Variants in NUP93 observed in about 807,000 individuals in gnomAD.
The protein encoded by NUP93 is nuclear pore complex protein Nup93.
A neutral mutation model predicts 107.8 loss-of-function variants in NUP93; 55 were observed. The ratio of observed to expected loss-of-function variants is 0.51; its 90% CI spans 0.41 to 0.64. The LOEUF (loss-of-function observed/expected upper bound fraction) is 0.64, where lower values mean the gene tolerates loss of function less well. NUP93 is among the 30% of genes least tolerant of loss of function. NUP93 has a pLI of 0.00. For synonymous variants in NUP93, 390 were observed against 397.5 expected, an observed-to-expected ratio of 0.98 and a Z score of 0.22; for missense variants, 937 against 1,044.7, an observed-to-expected ratio of 0.90 and a Z score of 1.42.
chr16:56,784,556 T>G (rs1962585206), intron 3 of NUP93, among the ~76,000 whole-genome samples: 1 of 152,238 alleles, frequency 6.6e-6, no homozygotes, highest in African/African-American at 2.4e-5. Context: ...ACCCGGCTTA[T>G]TTCTTTGTTC....
At position 56,818,652 on chromosome 16, in the gene NUP93, A is replaced by G. The variant is rs745703858; in HGVS notation, c.490-12A>G. On this transcript the variant is annotated splice_polypyrimidine_tract_variant and intron_variant, in intron 5 of 21. Transcript: ENST00000308159. Reference sequence around the variant, plus strand: ...TGTCCCTAACTGATTCTGAATGTGTATTTATCCACAGCCAAGCTACATCAG... The same window carrying G: ...TGTCCCTAACTGATTCTGAATGTGTGTTTATCCACAGCCAAGCTACATCAG... 6 of 1,611,368 alleles carry G rather than the reference A, an allele frequency of 3.7e-6. No individual in the cohort carries two copies. The Admixed American group carries it at 8.3e-5, about 22-fold the overall frequency.
chr16:56,821,525 A>G lies in NUP93; in HGVS notation c.586A>G (p.Ile196Val). The part of the protein sequence containing the change: ...ARQIYIYNEK[I>V]VNGHLQPNLV... ...TCAGATTTATATCTATAATGAGAAA[A>G]TTGTAAATGGACACCTGCAGCCTAA... The change falls in exon 7 of 22, where the codon ATT becomes GTT. Residue 196 changes from isoleucine (I) to valine (V), a missense_variant. Ile to Val is a conservative substitution (Grantham distance 29). Coordinates refer to ENST00000308159, the MANE Select transcript of NUP93 (RefSeq NM_014669.5). 4 of 1,611,872 alleles carry G rather than the reference A, an allele frequency of 2.5e-6. No homozygotes were observed. Among genetic ancestry groups the G allele is most frequent in the Non-Finnish European group, 3.4e-6 (4 of 1,178,094 alleles).
At chr16:56,738,223 G>A (rs1961643528) in intron 1 of NUP93, among the ~76,000 whole-genome samples, 1 of 152,252 alleles carries the variant, frequency 6.6e-6, no homozygotes, top group African/African-American at 2.4e-5. Context: ...TCAGAGGGCT[G>A]GCGTGGGATG....
chr16:56,796,065 C>T (rs1240093177), intron 3 of NUP93, among the ~76,000 whole-genome samples: 1 of 152,118 alleles, frequency 6.6e-6, no homozygotes, highest in African/African-American at 2.4e-5. Context: ...TAGGCCAATA[C>T]GTAAGGAATC....
At chr16:56,805,079 A>G (rs1963106472) in intron 4 of NUP93, among the ~76,000 whole-genome samples, 1 of 151,696 alleles carries the variant, frequency 6.6e-6, no homozygotes, top group Non-Finnish European at 1.5e-5. Context: ...TTGTTTTGGG[A>G]CAGGGTTTTG....
At chr16:56,820,564 G>A (rs1963522503) in intron 6 of NUP93, among the ~76,000 whole-genome samples, 1 of 152,178 alleles carries the variant, frequency 6.6e-6, no homozygotes, top group Non-Finnish European at 1.5e-5. Flanking sequence ...TGATCCACCT[G>A]CCTTGGCCTC....
intron 6 of NUP93, among the ~76,000 whole-genome samples, chr16:56,819,590 C>A (rs1963502710): frequency 1.3e-5 from 2 of 152,160 alleles, no homozygotes; most frequent in Admixed American, 1.3e-4. Flanking sequence ...CTCCTCCAGC[C>A]TGGAGTAGGG....
At chr16:56,817,182 C>A (rs949083461) in intron 5 of NUP93, among the ~76,000 whole-genome samples, 3 of 152,148 alleles carry the variant, frequency 2.0e-5, no homozygotes, top group African/African-American at 4.8e-5. Context: ...CCTAGGATAG[C>A]CCCTTCATTT....
At chr16:56,745,418 C>G (rs1961806263) in intron 1 of NUP93, among the ~76,000 whole-genome samples, 1 of 152,058 alleles carries the variant, frequency 6.6e-6, no homozygotes, top group African/African-American at 2.4e-5. Flanking sequence ...GGGATGTGAT[C>G]TGACTGACTG....
intron 1 of NUP93, among the ~76,000 whole-genome samples, chr16:56,732,243 G>A (rs1961547563): frequency 6.6e-6 from 1 of 152,210 alleles, no homozygotes; most frequent in South Asian, 2.1e-4. Flanking sequence ...GAATGTGAGT[G>A]AGGGGATTTT....
chr16:56,798,156 G>T (rs188452251), intron 3 of NUP93, among the ~76,000 whole-genome samples: 105 of 152,316 alleles, frequency 6.9e-4, no homozygotes, highest in Non-Finnish European at 1.3e-3. Context: ...CCATCACCAA[G>T]GCTGTATCTG....
intron 4 of NUP93, among the ~76,000 whole-genome samples, chr16:56,804,919 A>G (rs1963102236): frequency 6.6e-6 from 1 of 152,116 alleles, no homozygotes; most frequent in Admixed American, 6.6e-5. Flanking sequence ...AAAAAAAAAA[A>G]AAGTTTATAT....
At chr16:56,809,939 A>G (rs1439773995) in intron 5 of NUP93, among the ~76,000 whole-genome samples, 2 of 152,230 alleles carry the variant, frequency 1.3e-5, no homozygotes, top group Non-Finnish European at 2.9e-5. Context: ...TTCTTTGTGA[A>G]TCTGAGCAAA....
chr16:56,803,862 A>G (rs1963075455), intron 4 of NUP93, among the ~76,000 whole-genome samples: 1 of 151,802 alleles, frequency 6.6e-6, no homozygotes, highest in Admixed American at 6.6e-5. Flanking sequence ...CTCTATTCTC[A>G]TGTCGCAGCC....
At chr16:56,752,244 A>G (rs1961935188) in intron 2 of NUP93, among the ~76,000 whole-genome samples, 1 of 152,214 alleles carries the variant, frequency 6.6e-6, no homozygotes, top group Non-Finnish European at 1.5e-5. Context: ...TTTTGTCCCA[A>G]GGATATACTG....
intron 3 of NUP93, among the ~76,000 whole-genome samples, chr16:56,796,991 G>A (rs1596811309): frequency 6.7e-6 from 1 of 150,078 alleles, no homozygotes; most frequent in Admixed American, 6.7e-5. Context: ...GCAAAAACAC[G>A]AGGCTGGGTG....
At chr16:56,810,458 G>A (rs961757530) in intron 5 of NUP93, among the ~76,000 whole-genome samples, 2 of 152,076 alleles carry the variant, frequency 1.3e-5, no homozygotes, top group African/African-American at 4.8e-5. Context: ...GTAGGACCCC[G>A]TCTCTACAAA....
intron 13 of NUP93, 114 bp from the exon 14 acceptor site, chr16:56,834,014 C>A: frequency 1.4e-6 from 2 of 1,452,180 alleles, no homozygotes; most frequent in South Asian, 1.2e-5. Context: ...CAAACTTTGA[C>A]TGGGCTGCAG....
intron 17 of NUP93, among the ~76,000 whole-genome samples, chr16:56,837,180 A>G (rs1432638797): frequency 6.6e-6 from 1 of 152,208 alleles, no homozygotes; most frequent in African/African-American, 2.4e-5. Flanking sequence ...AGAACAAATG[A>G]TGACTAAGAA....
Sources: gnomAD v4.1 joint callset for allele counts (sites outside exome capture counted in the v4.1 genomes callset) on GRCh38, gnomAD v4.1.1 for gene constraint, MANE v1.5 for transcripts, NCBI Gene and HGNC (gene_info 2026-07-23, HGNC 2026-07-21) for gene names.